The following RAMP1 variants were observed in gnomAD, a reference collection of about 807,000 sequenced individuals.
RAMP1 encodes receptor activity modifying protein 1.
Under a neutral mutation model 8.2 loss-of-function variants are expected in RAMP1, and 7 were observed. That is an observed-to-expected ratio of 0.85 (90% confidence interval 0.49 to 1.60). The LOEUF (loss-of-function observed/expected upper bound fraction) is 1.60. Ranked by LOEUF, RAMP1 falls within the 40% of genes most tolerant of loss-of-function variation. The pLI is 0.00. For missense variants in RAMP1, 192 were observed against 202.4 expected (o/e 0.95, Z 0.31); for synonymous variants, 92 against 84.7 (o/e 1.09, Z -0.47).
intron 1 of RAMP1, among the ~76,000 whole-genome samples, chr2:237,875,090 A>G (rs2062287886): frequency 6.6e-6 from 1 of 152,146 alleles, no homozygotes; most frequent in African/African-American, 2.4e-5. Context: ...CTGAGTTGAC[A>G]AGTCAGTGTC....
intron 1 of RAMP1, among the ~76,000 whole-genome samples, chr2:237,868,348 T>G (rs2062210228): frequency 6.6e-6 from 1 of 151,930 alleles, no homozygotes; most frequent in Admixed American, 6.6e-5. Flanking sequence ...CTGGCTGGGG[T>G]TTTCTGTGTC....
In RAMP1 at chr2:237,877,910, C is replaced by T. The variant is rs1021440010; in HGVS notation, c.191+548C>T. The T allele has an allele frequency of 1.3e-5, 13 of 974,814 alleles. No homozygotes were observed. The Admixed American group carries it at 4.3e-4, about 32-fold the overall frequency. 60.4% of individuals were successfully genotyped at this position (974,814 alleles called of 1,614,324 possible). On this transcript the variant is annotated intron_variant, in intron 2 of 2. Coordinates refer to ENST00000254661, the MANE Select transcript of RAMP1 (RefSeq NM_005855.4). The surrounding 1 kb of genome is among the most constrained non-coding windows in gnomAD (Gnocchi z 4.4). ...CCTCCTGCCCAAGGGCCCTTCTTCC[C>T]GCTTGAGGGGCTCCCTCATTGCCTC...
rs866547604 is a variant in RAMP1, at chr2:237,912,078, G to T, written c.*295G>T. 2.7e-5 allele frequency: 12 copies of T among 438,428 alleles called. No homozygotes were observed. In the Middle Eastern group the frequency reaches 1.8e-3, roughly 66 times the overall value. The allele number at this position is 438,428 out of a possible 1,614,324, so 27.2% of individuals were successfully genotyped here. A position where few individuals can be genotyped will look rare whatever the true frequency, so the allele number is the denominator to read the frequency against. On this transcript the variant is annotated 3_prime_UTR_variant, in exon 3 of 3. Transcript: ENST00000254661. ...CCCATAGCCACATTTGTGGATGAGT[G>T]GTTTGTGATTAAAAGGGATGTTCTT...
chr2:237,900,497 G>A (rs2062586658), intron 2 of RAMP1, among the ~76,000 whole-genome samples: 1 of 152,268 alleles, frequency 6.6e-6, no homozygotes, highest in Non-Finnish European at 1.5e-5. Context: ...GACAAATTAT[G>A]TGCCATTTGG....
At position 237,909,656 on chromosome 2, in the gene RAMP1, A is replaced by G. The variant is rs1198059086; in HGVS notation, c.192-1872A>G. On this transcript the variant is annotated intron_variant, in intron 2 of 2. Coordinates refer to ENST00000254661, the MANE Select transcript of RAMP1 (RefSeq NM_005855.4). ...TCAGAGCCTCAGTTTCCTCTGCTGCAAGAGGCACTTGACACCCACGTCCTG... is the reference window on the plus strand; with the variant it reads ...TCAGAGCCTCAGTTTCCTCTGCTGCGAGAGGCACTTGACACCCACGTCCTG... Among the ~76,000 whole-genome samples, 6 of 152,232 alleles carry G rather than the reference A, an allele frequency of 3.9e-5. No homozygotes were observed. The East Asian group carries it at 7.7e-4, about 20-fold the overall frequency.
At chr2:237,891,629 A>T (rs2062489583) in intron 2 of RAMP1, among the ~76,000 whole-genome samples, 2 of 151,780 alleles carry the variant, frequency 1.3e-5, no homozygotes, top group African/African-American at 4.8e-5. Flanking sequence ...TTTTATGGAG[A>T]TTTGATTTGA....
chr2:237,872,416 C>T (rs1178115956), intron 1 of RAMP1, among the ~76,000 whole-genome samples: 1 of 152,170 alleles, frequency 6.6e-6, no homozygotes, highest in Non-Finnish European at 1.5e-5. Context: ...CTCACGCGTG[C>T]CCAGTGAGAG....
chr2:237,877,479 C>A lies in RAMP1; in HGVS notation c.191+117C>A. 1.4e-6 allele frequency: 2 copies of A among 1,391,278 alleles called. No individual in the cohort carries two copies. Among genetic ancestry groups the A allele is most frequent in the Non-Finnish European group, 1.9e-6 (2 of 1,044,034 alleles). The allele number at this position is 1,391,278 out of a possible 1,614,324, so 86.2% of individuals were successfully genotyped here. Reference sequence around the variant, plus strand: ...ATCCTTTCTAGACCCCGGAAGGGTTCTTCCCCCAGTGGGGGGGGCCGGGAT... The same window carrying A: ...ATCCTTTCTAGACCCCGGAAGGGTTATTCCCCCAGTGGGGGGGGCCGGGAT... On this transcript the variant is annotated intron_variant, in intron 2 of 2. Coordinates refer to ENST00000254661, the MANE Select transcript of RAMP1 (RefSeq NM_005855.4). The surrounding 1 kb of genome is among the most constrained non-coding windows in gnomAD (Gnocchi z 4.4).
intron 1 of RAMP1, among the ~76,000 whole-genome samples, chr2:237,867,735 C>G (rs558564211): frequency 5.9e-5 from 9 of 152,326 alleles, no homozygotes; most frequent in African/African-American, 2.2e-4. Flanking sequence ...TCGGCAGTCT[C>G]AGGTGTCTGT....
rs571945528 is a variant in RAMP1 at position 237,860,000 on chromosome 2, T to C, written c.52+273T>C. ...CGGAGAGCGGGCATTCTGGAAAGCG[T>C]GGGGTGAGTCAGCCCTGCACACTGG... On this transcript the variant is annotated intron_variant, in intron 1 of 2. Transcript: ENST00000254661. 9 of 390,272 alleles carry C rather than the reference T, an allele frequency of 2.3e-5. No individual in the cohort carries two copies. The East Asian group carries it at 3.6e-4, about 16-fold the overall frequency. The allele number at this position is 390,272 out of a possible 1,614,324, so 24.2% of individuals were successfully genotyped here.
At chr2:237,872,659 G>A (rs1280741997) in intron 1 of RAMP1, among the ~76,000 whole-genome samples, 2 of 152,218 alleles carry the variant, frequency 1.3e-5, no homozygotes, top group Non-Finnish European at 2.9e-5. Context: ...CCTGGGCTGT[G>A]TGACTCTAGG....
intron 2 of RAMP1, among the ~76,000 whole-genome samples, chr2:237,910,613 A>G (rs1395368007): frequency 2.0e-5 from 3 of 152,098 alleles, no homozygotes; most frequent in Non-Finnish European, 4.4e-5. Context: ...ACACAGTCAC[A>G]CACAGAATAA....
At chr2:237,860,008 G>A (rs534490091) in intron 1 of RAMP1, 4 of 377,636 alleles carry the variant, frequency 1.1e-5, no homozygotes, top group Admixed American at 4.9e-5. Flanking sequence ...CGTGGGGTGA[G>A]TCAGCCCTGC....
rs762418773 is a variant in RAMP1 at position 237,911,607 on chromosome 2, A to T, written c.271A>T (p.Arg91Trp). 1 of 1,614,134 alleles carries T rather than the reference A, an allele frequency of 6.2e-7. No homozygotes were observed. The change falls in exon 3 of 3, where the codon AGG (arginine) becomes TGG (tryptophan). Residue 91 changes from arginine (R) to tryptophan (W), a missense_variant. Transcript: ENST00000254661. Reference protein sequence around the residue: ...GCFWPNAEVDRFFLAVHGRYF... With the variant: ...GCFWPNAEVDWFFLAVHGRYF... Reference sequence around the variant, plus strand: ...CTTCTGGCCCAATGCAGAGGTGGACAGGTTCTTCCTGGCAGTGCATGGCCG... The same window carrying T: ...CTTCTGGCCCAATGCAGAGGTGGACTGGTTCTTCCTGGCAGTGCATGGCCG...
At chr2:237,892,636 CA>C (rs1280325115) in intron 2 of RAMP1, among the ~76,000 whole-genome samples, 1 of 152,134 alleles carries the variant, frequency 6.6e-6, no homozygotes, top group Non-Finnish European at 1.5e-5. Context: ...GTGAAGCAAA[CA>C]GATGTTCTTA....
chr2:237,869,284 A>G (rs888053003), intron 1 of RAMP1, among the ~76,000 whole-genome samples: 4 of 152,210 alleles, frequency 2.6e-5, no homozygotes, highest in African/African-American at 7.2e-5. Flanking sequence ...GCGGTAAAGT[A>G]TACACCACAT....
chr2:237,876,639 T>C (rs1050436308), intron 1 of RAMP1, among the ~76,000 whole-genome samples: 1 of 150,792 alleles, frequency 6.6e-6, no homozygotes, highest in East Asian at 1.9e-4. Context: ...GGCCATGCTC[T>C]CCCCGCCACC....
At chr2:237,890,945 G>A (rs1357684090) in intron 2 of RAMP1, among the ~76,000 whole-genome samples, 1 of 151,880 alleles carries the variant, frequency 6.6e-6, no homozygotes, top group Non-Finnish European at 1.5e-5. Flanking sequence ...CAGTTTTTTT[G>A]CTTTAACTTT....
At chr2:237,906,197 TTC>T (rs1325814402) in intron 2 of RAMP1, among the ~76,000 whole-genome samples, 2 of 152,118 alleles carry the variant, frequency 1.3e-5, no homozygotes, top group Non-Finnish European at 1.5e-5. Context: ...CTTTTTCCAC[TTC>T]TGTTTTCTTC....
Sources: allele counts gnomAD v4.1 joint callset (sites outside exome capture counted in the v4.1 genomes callset), GRCh38; gene constraint gnomAD v4.1.1; non-coding constraint Gnocchi (gnomAD v3.1); transcripts MANE v1.5; gene names NCBI Gene and HGNC (gene_info 2026-07-23, HGNC 2026-07-21).